The following PPP1R1C variants were observed in gnomAD, a reference collection of about 807,000 sequenced individuals.
PPP1R1C encodes the protein protein phosphatase 1 regulatory inhibitor subunit 1C.
In PPP1R1C, 15 loss-of-function variants were observed where a neutral mutation model predicts 17.4. The ratio of observed to expected loss-of-function variants is 0.86; its 90% CI spans 0.58 to 1.33. PPP1R1C has a LOEUF of 1.33. PPP1R1C is among the 40% of genes most tolerant of loss of function. PPP1R1C has a pLI of 0.00. For missense variants in PPP1R1C, 143 were observed against 130.0 expected, an observed-to-expected ratio of 1.10 and a Z score of -0.48; for synonymous variants, 35 against 43.1, an observed-to-expected ratio of 0.81 and a Z score of 0.73.
chr2:182,037,868 A>G (rs1196153580), intron 2 of PPP1R1C, among the ~76,000 whole-genome samples: 1 of 152,128 alleles, frequency 6.6e-6, no homozygotes. Context: ...CTTTATTTCT[A>G]CACTTTTATT....
intron 2 of PPP1R1C, among the ~76,000 whole-genome samples, chr2:182,006,736 C>T (rs1463965287): frequency 6.6e-6 from 1 of 152,188 alleles, no homozygotes; most frequent in Non-Finnish European, 1.5e-5. Context: ...AAACACAACC[C>T]TGTACATGAA....
chr2:182,015,262 A>G (rs769669673), intron 2 of PPP1R1C, among the ~76,000 whole-genome samples: 4 of 152,156 alleles, frequency 2.6e-5, no homozygotes, highest in African/African-American at 4.8e-5. Flanking sequence ...GTAGTAGTGA[A>G]TAAGTCTCAT....
At position 181,999,849 on chromosome 2, in the gene PPP1R1C, C is replaced by T. The variant is rs923474010; in HGVS notation, c.142+11950C>T. ...ATTATTCCCTCTTAGAGATGAACCCCGTTTTTTATTCATCTCTGTTTGCTT... is the reference window on the plus strand; with the variant it reads ...ATTATTCCCTCTTAGAGATGAACCCTGTTTTTTATTCATCTCTGTTTGCTT... On this transcript the variant is annotated intron_variant, in intron 2 of 4. Transcript: ENST00000682840. 6.6e-5 allele frequency among the ~76,000 whole-genome samples: 10 copies of T among 151,766 alleles called. No homozygotes were observed. The South Asian group carries it at 1.5e-3, about 22-fold the overall frequency.
intron 2 of PPP1R1C, among the ~76,000 whole-genome samples, chr2:182,039,664 T>A (rs950137289): frequency 3.9e-5 from 6 of 152,140 alleles, no homozygotes; most frequent in African/African-American, 1.4e-4. Context: ...AGATTACAGG[T>A]GTGAGCCACC....
intron 1 of PPP1R1C, among the ~76,000 whole-genome samples, chr2:181,965,672 A>G (rs921981858): frequency 2.0e-5 from 3 of 152,182 alleles, no homozygotes; most frequent in Admixed American, 6.5e-5. Context: ...TTTTTATGCC[A>G]GTAACCAAAA....
intron 5 of PPP1R1C, among the ~76,000 whole-genome samples, chr2:182,125,286 C>T (rs1689847447): frequency 6.6e-6 from 1 of 152,096 alleles, no homozygotes; most frequent in African/African-American, 2.4e-5. Flanking sequence ...TGCTGTGCTG[C>T]TGGATTCGGT....
intron 4 of PPP1R1C, among the ~76,000 whole-genome samples, chr2:182,081,040 A>C (rs1688460025): frequency 6.6e-6 from 1 of 152,188 alleles, no homozygotes; most frequent in South Asian, 2.1e-4. Context: ...AAACTCTTAC[A>C]CTTATTTGGT....
chr2:181,988,517 C>A (rs564278982), intron 2 of PPP1R1C, among the ~76,000 whole-genome samples: 2 of 152,312 alleles, frequency 1.3e-5, no homozygotes, highest in African/African-American at 2.4e-5. Flanking sequence ...GATCTGTAAT[C>A]CACAAACATT....
intron 2 of PPP1R1C, among the ~76,000 whole-genome samples, chr2:182,041,474 C>G (rs3106774): frequency 0.1 from 15,510 of 151,488 alleles, 1,947 homozygotes; most frequent in African/African-American, 0.27. Context: ...CCAGTTGTGG[C>G]GGCAGCTGCC....
intron 2 of PPP1R1C, among the ~76,000 whole-genome samples, chr2:182,016,709 GATAAT>G (rs1250215604): frequency 1.3e-5 from 2 of 152,146 alleles, no homozygotes; most frequent in Non-Finnish European, 2.9e-5. Context: ...GCTGAAATAT[GATAAT>G]ACTACAGCTT....
In PPP1R1C at chr2:181,967,572, A is replaced by G. The variant is rs867316133; in HGVS notation, n.112-7647A>G. On this transcript the variant is annotated intron_variant and non_coding_transcript_variant, in intron 1 of 5. Transcript: ENST00000464264. The surrounding 1 kb of genome is among the most constrained non-coding windows in gnomAD (Gnocchi z 5.5). ...ATTGATCCACTGGTCATTCAGGAGC[A>G]TATTATTTAATTTCCATATGTTTGT... Among the ~76,000 whole-genome samples, 1 of 152,146 alleles carries G rather than the reference A, an allele frequency of 6.6e-6. No homozygotes were observed. Among genetic ancestry groups the G allele is most frequent in the Non-Finnish European group, 1.5e-5 (1 of 68,022 alleles).
upstream of PPP1R1C, among the ~76,000 whole-genome samples, chr2:181,983,256 G>A (rs866773732): frequency 7.2e-5 from 11 of 152,086 alleles, no homozygotes; most frequent in East Asian, 3.9e-4. Flanking sequence ...AAAATTGCCC[G>A]GGTTTGAAAC....
chr2:182,008,228 G>C (rs1402818469), intron 2 of PPP1R1C, among the ~76,000 whole-genome samples: 1 of 152,110 alleles, frequency 6.6e-6, no homozygotes, highest in East Asian at 1.9e-4. Flanking sequence ...CAATGCCTTT[G>C]GTTAAGGCAA....
chr2:182,051,363 C>T (rs1227180413), intron 2 of PPP1R1C, among the ~76,000 whole-genome samples: 2 of 152,134 alleles, frequency 1.3e-5, no homozygotes, highest in Admixed American at 1.3e-4. Context: ...TAATGGTTAC[C>T]ATGAGAGGTG....
At chr2:181,982,081 A>G (rs575087756), upstream of PPP1R1C, among the ~76,000 whole-genome samples, 20 of 152,332 alleles carry the variant, frequency 1.3e-4, no homozygotes, top group South Asian at 4.1e-3. Context: ...CAAAGCCTGG[A>G]ATAGAAAATA....
intron 4 of PPP1R1C, among the ~76,000 whole-genome samples, chr2:182,068,283 C>G (rs577340918): frequency 6.6e-6 from 1 of 152,248 alleles, no homozygotes; most frequent in Non-Finnish European, 1.5e-5. Flanking sequence ...TTAGATCAGG[C>G]ACACAATATG....
chr2:182,089,957 TTATAA>T (rs939849615), intron 4 of PPP1R1C, among the ~76,000 whole-genome samples: 11 of 152,178 alleles, frequency 7.2e-5, no homozygotes, highest in African/African-American at 2.2e-4. Context: ...TTTTAAATGC[TTATAA>T]TATATTATCT....
At chr2:182,113,902 T>C (rs1388938324) in intron 4 of PPP1R1C, among the ~76,000 whole-genome samples, 1 of 152,202 alleles carries the variant, frequency 6.6e-6, no homozygotes, top group Non-Finnish European at 1.5e-5. Context: ...AACCTCCCTC[T>C]ATGGATTCAG....
chr2:182,053,541 A>G (rs1292012719), intron 2 of PPP1R1C, among the ~76,000 whole-genome samples: 1 of 152,030 alleles, frequency 6.6e-6, no homozygotes, highest in African/African-American at 2.4e-5. Context: ...ACAGTTAATA[A>G]TTGTCCTTTC....
Sources: gnomAD v4.1 joint callset for allele counts (sites outside exome capture counted in the v4.1 genomes callset) on GRCh38, gnomAD v4.1.1 for gene constraint, Gnocchi (gnomAD v3.1) non-coding constraint, MANE v1.5 for transcripts, NCBI Gene and HGNC (gene_info 2026-07-23, HGNC 2026-07-21) for gene names.